Variants in BCKDHB observed in about 807,000 individuals in gnomAD.
The protein encoded by BCKDHB is branched chain keto acid dehydrogenase E1 subunit beta.
A neutral mutation model predicts 48.5 loss-of-function variants in BCKDHB; 41 were observed. That is an observed-to-expected ratio of 0.85 (90% confidence interval 0.66 to 1.10). BCKDHB has a LOEUF of 1.10. Ranked by LOEUF, BCKDHB falls within the 50% of genes least tolerant of loss-of-function variation. BCKDHB has a pLI of 0.00. For missense variants in BCKDHB, 496 were observed against 494.2 expected, an observed-to-expected ratio of 1.00 and a Z score of -0.03; for synonymous variants, 201 against 174.8, an observed-to-expected ratio of 1.15 and a Z score of -1.18.
intron 1 of BCKDHB, among the ~76,000 whole-genome samples, chr6:80,126,330 T>A (rs1265995101): frequency 6.6e-6 from 1 of 152,066 alleles, no homozygotes; most frequent in Non-Finnish European, 1.5e-5. Context: ...AAAGATGTCA[T>A]ATGTCAGAAC....
chr6:80,391,629 G>A, the BCKDHB span, among the ~76,000 whole-genome samples: 1 of 152,120 alleles, frequency 6.6e-6, no homozygotes, highest in Non-Finnish European at 1.5e-5. Flanking sequence ...AACTATAAGA[G>A]AACAAATTTC....
At chr6:80,359,048 A>G in the BCKDHB span, among the ~76,000 whole-genome samples, 2 of 152,186 alleles carry the variant, frequency 1.3e-5, no homozygotes, top group African/African-American at 4.8e-5. Context: ...ACACAAAAAT[A>G]GTTCGAATCT....
At chr6:80,416,776 T>A in the BCKDHB span, among the ~76,000 whole-genome samples, 2 of 147,848 alleles carry the variant, frequency 1.4e-5, no homozygotes, top group African/African-American at 4.9e-5. Flanking sequence ...TTATTTTTAT[T>A]TTTTTTAATT....
At chr6:80,138,314 T>C (rs184394813) in intron 3 of BCKDHB, among the ~76,000 whole-genome samples, 39 of 152,204 alleles carry the variant, frequency 2.6e-4, no homozygotes, top group Admixed American at 7.9e-4. Context: ...TTATTATACT[T>C]TAAGTTTTAG....
chr6:80,201,380 T>C (rs1353385324), intron 7 of BCKDHB, among the ~76,000 whole-genome samples: 2 of 152,154 alleles, frequency 1.3e-5, no homozygotes, highest in African/African-American at 4.8e-5. Flanking sequence ...GTCACTGCTG[T>C]ATATTAGATC....
intron 3 of BCKDHB, among the ~76,000 whole-genome samples, chr6:80,148,839 A>C (rs1771615909): frequency 6.6e-6 from 1 of 152,118 alleles, no homozygotes. Context: ...TAAAGACTTA[A>C]ATGTTAGACC....
intron 1 of BCKDHB, among the ~76,000 whole-genome samples, chr6:80,120,255 C>T (rs562022385): frequency 1.3e-5 from 2 of 152,044 alleles, no homozygotes; most frequent in Non-Finnish European, 2.9e-5. Flanking sequence ...TTAATCTAGT[C>T]TATCATTGAT....
At chr6:80,366,893 G>C in the BCKDHB span, among the ~76,000 whole-genome samples, 1 of 152,236 alleles carries the variant, frequency 6.6e-6, no homozygotes, top group Non-Finnish European at 1.5e-5. Flanking sequence ...GGCAGAATTA[G>C]GAGGTGAGCC....
intron 6 of BCKDHB, among the ~76,000 whole-genome samples, chr6:80,191,000 A>G (rs59818432): frequency 0.017 from 2,526 of 152,234 alleles, 62 homozygotes; most frequent in African/African-American, 0.057. Flanking sequence ...GCAGCAGCCA[A>G]TGGTGGTTCC....
At chr6:80,456,184 C>T in the BCKDHB span, among the ~76,000 whole-genome samples, 6 of 151,230 alleles carry the variant, frequency 4.0e-5, no homozygotes, top group East Asian at 1.2e-3. Context: ...CACTGCACTC[C>T]AGCCAGAGGA....
At chr6:80,175,968 G>A (rs541950963) in intron 6 of BCKDHB, among the ~76,000 whole-genome samples, 1 of 152,160 alleles carries the variant, frequency 6.6e-6, no homozygotes, top group African/African-American at 2.4e-5. Context: ...AATAGAACTT[G>A]CTACAGTGGA....
At chr6:80,197,388 T>C (rs1323472740) in intron 6 of BCKDHB, among the ~76,000 whole-genome samples, 2 of 150,476 alleles carry the variant, frequency 1.3e-5, no homozygotes, top group African/African-American at 4.9e-5. Flanking sequence ...TTTTTTCTTA[T>C]TGTAAGTATG....
intron 9 of BCKDHB, among the ~76,000 whole-genome samples, chr6:80,337,666 C>T (rs901281395): frequency 6.6e-6 from 1 of 151,676 alleles, no homozygotes; most frequent in South Asian, 2.1e-4. Flanking sequence ...AATATATTCT[C>T]ATAGTTAAGT....
At chr6:80,290,823 A>G (rs1200132272) in intron 9 of BCKDHB, among the ~76,000 whole-genome samples, 2 of 152,226 alleles carry the variant, frequency 1.3e-5, no homozygotes, top group Non-Finnish European at 2.9e-5. Context: ...GCCCATTTTT[A>G]TAGTTATTTC....
chr6:80,293,245 G>A (rs993648061), intron 9 of BCKDHB, among the ~76,000 whole-genome samples: 4 of 152,210 alleles, frequency 2.6e-5, no homozygotes, highest in Admixed American at 2.6e-4. Context: ...TTCTACCTCT[G>A]CAGCACACCT....
chr6:80,305,431 TA>T (rs140039415), intron 9 of BCKDHB, among the ~76,000 whole-genome samples: 16,528 of 151,904 alleles, frequency 0.11, 1,122 homozygotes, highest in South Asian at 0.25. Flanking sequence ...ATGACTTAAT[TA>T]AAAAAAATTT....
At chr6:80,246,880 C>T (rs1447121763) in intron 8 of BCKDHB, among the ~76,000 whole-genome samples, 1 of 151,952 alleles carries the variant, frequency 6.6e-6, no homozygotes, top group African/African-American at 2.4e-5. Flanking sequence ...CTCACACATT[C>T]CCCCACCCCT....
intron 9 of BCKDHB, among the ~76,000 whole-genome samples, chr6:80,292,665 C>T (rs953134831): frequency 1.3e-5 from 2 of 152,150 alleles, no homozygotes; most frequent in African/African-American, 4.8e-5. Flanking sequence ...CCAGCAGCCC[C>T]CCAAAGTCTT....
In BCKDHB at chr6:80,342,556, G is replaced by GAAAAAAAAA. The variant is rs34127398; in HGVS notation, c.1039-1093_1039-1085dup. ...GGCAACATAAGAAGACCTCATTTCT[G>GAAAAAAAAA]AAAAAAAAAAAAAAAAAAAAAAAGA... is the stretch of plus-strand genomic sequence containing the variant. On this transcript the variant is annotated intron_variant, in intron 9 of 9. Transcript: ENST00000320393. Among the ~76,000 whole-genome samples, 4 of 24,098 alleles carry GAAAAAAAAA rather than the reference G, an allele frequency of 1.7e-4. 1 individual carries two copies. Among genetic ancestry groups the GAAAAAAAAA allele is most frequent in the Non-Finnish European group, 7.4e-5 (1 of 13,572 alleles). 15.8% of individuals were successfully genotyped at this position (24,098 alleles called of 152,430 possible).
Sources: allele counts gnomAD v4.1 joint callset (sites outside exome capture counted in the v4.1 genomes callset), GRCh38; gene constraint gnomAD v4.1.1; transcripts MANE v1.5; gene names NCBI Gene and HGNC (gene_info 2026-07-23, HGNC 2026-07-21).